Variants in PDE10A observed in about 807,000 individuals in gnomAD.
PDE10A encodes the protein phosphodiesterase 10A.
A neutral mutation model predicts 97.7 loss-of-function variants in PDE10A; 39 were observed. That is an observed-to-expected ratio of 0.40 (90% CI 0.31 to 0.52). The LOEUF is 0.52. Ranked by LOEUF, PDE10A falls within the 20% of genes least tolerant of loss-of-function variation. The pLI is 0.56. For synonymous variants in PDE10A, 371 were observed against 376.8 expected (o/e 0.98, Z 0.18); for missense variants, 731 against 1,047.8 (o/e 0.70, Z 4.17).
intron 2 of PDE10A, among the ~76,000 whole-genome samples, chr6:165,513,039 T>C (rs986281099): frequency 6.6e-6 from 1 of 152,064 alleles, no homozygotes; most frequent in Non-Finnish European, 1.5e-5. Flanking sequence ...CTTTATATAT[T>C]CTGGATACAA....
At chr6:165,667,445 T>G (rs868375489), upstream of PDE10A, among the ~76,000 whole-genome samples, 13 of 152,174 alleles carry the variant, frequency 8.5e-5, no homozygotes, top group Non-Finnish European at 1.8e-4. Flanking sequence ...AAAACCAGTA[T>G]AGGTTATATC....
At chr6:165,793,057 A>G (rs937620618) in intron 1 of PDE10A, among the ~76,000 whole-genome samples, 7 of 152,034 alleles carry the variant, frequency 4.6e-5, no homozygotes, top group African/African-American at 1.4e-4. Flanking sequence ...AAATAACACA[A>G]TGTGTATGAA....
intron 1 of PDE10A, among the ~76,000 whole-genome samples, chr6:165,676,933 C>A (rs1790814882): frequency 6.6e-6 from 1 of 152,272 alleles, no homozygotes; most frequent in Non-Finnish European, 1.5e-5. Flanking sequence ...GCTCCTCCAG[C>A]AGGACGGGTC....
At chr6:165,539,902 G>C (rs897628863) in intron 2 of PDE10A, among the ~76,000 whole-genome samples, 1 of 151,966 alleles carries the variant, frequency 6.6e-6, no homozygotes, top group Non-Finnish European at 1.5e-5. Context: ...CTCCAGCCTG[G>C]GCAACAGAGC....
chr6:165,361,142 G>T lies in PDE10A; in HGVS notation c.2784-17640C>A, dbSNP rs1473972208. Among the ~76,000 whole-genome samples, 4 of 152,254 alleles carry T rather than the reference G, an allele frequency of 2.6e-5. No individual in the cohort carries two copies. In the South Asian group the frequency reaches 6.2e-4, roughly 24 times the overall value. On this transcript the variant is annotated intron_variant, in intron 18 of 21. Transcript: ENST00000539869. ...GTACAGAGATGCCTAAGCATTAGAA[G>T]TAATAAATGCGTTCATCAAGGTTTC...
intron 1 of PDE10A, among the ~76,000 whole-genome samples, chr6:165,731,226 A>C (rs967668073): frequency 6.6e-6 from 1 of 152,172 alleles, no homozygotes; most frequent in Non-Finnish European, 1.5e-5. Flanking sequence ...GATGGGCAAA[A>C]ATGAGAGACA....
chr6:165,817,250 T>C (rs947486012), intron 1 of PDE10A, among the ~76,000 whole-genome samples: 2 of 152,102 alleles, frequency 1.3e-5, no homozygotes, highest in African/African-American at 4.8e-5. Context: ...GTCTGACAGC[T>C]TCTGCTACAA....
At chr6:165,402,542 G>C (rs1245018406) in intron 13 of PDE10A, among the ~76,000 whole-genome samples, 1 of 152,038 alleles carries the variant, frequency 6.6e-6, no homozygotes, top group Non-Finnish European at 1.5e-5. Flanking sequence ...TAAATTATTT[G>C]CCTATAACAC....
chr6:165,430,877 C>CA lies in PDE10A; in HGVS notation c.1543-533dup, dbSNP rs1283171379. Reference sequence around the variant, plus strand: ...AGAAGTAGAAAAATAAAACCACCACCAAAAAAAATAAAAAGAGAGAAGGAG... The same window carrying CA: ...AGAAGTAGAAAAATAAAACCACCACCAAAAAAAAATAAAAAGAGAGAAGGAG... On this transcript the variant is annotated intron_variant, in intron 8 of 21. Transcript: ENST00000539869. Among the ~76,000 whole-genome samples the CA allele has an allele frequency of 4.0e-5, 6 of 151,410 alleles. No individual in the cohort carries two copies. The South Asian group carries it at 1.3e-3, about 32-fold the overall frequency.
chr6:165,516,748 A>C (rs73786623), intron 2 of PDE10A, among the ~76,000 whole-genome samples: 111 of 152,338 alleles, frequency 7.3e-4, no homozygotes, highest in African/African-American at 2.6e-3. Context: ...AAAATTTTTA[A>C]CAAATAATCA....
chr6:165,353,206 G>A (rs1347671321), intron 18 of PDE10A, among the ~76,000 whole-genome samples: 1 of 152,212 alleles, frequency 6.6e-6, no homozygotes, highest in Non-Finnish European at 1.5e-5. Flanking sequence ...TGGATATGGA[G>A]CAAGAGGAAT....
In PDE10A at chr6:165,973,296, G is replaced by A. The variant is rs984366248; in HGVS notation, c.-615+14233C>T. Among the ~76,000 whole-genome samples, 8 of 152,050 alleles carry A rather than the reference G, an allele frequency of 5.3e-5. No individual in the cohort carries two copies. In the South Asian group the frequency reaches 6.2e-4, roughly 12 times the overall value. On this transcript the variant is annotated intron_variant, in intron 1 of 19. Transcript: ENST00000366882. Reference sequence around the variant, plus strand: ...TAGCCAGGCATGGTGGCAGGTGCCCGTAATCCCAGCTACTTGGGAGGCAGG... The same window carrying A: ...TAGCCAGGCATGGTGGCAGGTGCCCATAATCCCAGCTACTTGGGAGGCAGG...
At chr6:165,567,876 C>G (rs888694373) in intron 1 of PDE10A, among the ~76,000 whole-genome samples, 1 of 151,456 alleles carries the variant, frequency 6.6e-6, no homozygotes, top group Non-Finnish European at 1.5e-5. Flanking sequence ...TGCTGATAAT[C>G]TATTTATCTG....
At chr6:165,547,997 A>G (rs1323179518) in intron 1 of PDE10A, among the ~76,000 whole-genome samples, 1 of 152,148 alleles carries the variant, frequency 6.6e-6, no homozygotes, top group African/African-American at 2.4e-5. Flanking sequence ...ATAAATATAC[A>G]TTTAAAACTT....
At chr6:165,898,077 C>T (rs2128483673) in intron 1 of PDE10A, among the ~76,000 whole-genome samples, 1 of 151,636 alleles carries the variant, frequency 6.6e-6, no homozygotes, top group African/African-American at 2.4e-5. Context: ...CCCCTCCTAC[C>T]TTGCGCTGGG....
At chr6:165,636,814 A>C (rs575504403) in intron 1 of PDE10A, among the ~76,000 whole-genome samples, 54 of 152,280 alleles carry the variant, frequency 3.5e-4, no homozygotes, top group African/African-American at 1.2e-3. Flanking sequence ...CTGCTGTAGA[A>C]ATGCTCTGCC....
At chr6:165,505,732 T>G (rs1227591720) in intron 2 of PDE10A, among the ~76,000 whole-genome samples, 1 of 152,080 alleles carries the variant, frequency 6.6e-6, no homozygotes, top group Non-Finnish European at 1.5e-5. Context: ...CCATAGAGCT[T>G]CTCTCAGAGA....
At chr6:165,416,121 A>T in intron 12 of PDE10A, 68 bp downstream of exon 12, 1 of 1,016,928 alleles carries the variant, frequency 9.8e-7, no homozygotes, top group Non-Finnish European at 1.6e-6. Flanking sequence ...GGCTCCACGG[A>T]AGAGGTTTCA....
intron 1 of PDE10A, among the ~76,000 whole-genome samples, chr6:165,760,882 C>G (rs1793232457): frequency 6.6e-6 from 1 of 152,148 alleles, no homozygotes; most frequent in Non-Finnish European, 1.5e-5. Context: ...AAAGCCTCTT[C>G]CTGGTCTTCC....
Sources: gnomAD v4.1 joint callset for allele counts (sites outside exome capture counted in the v4.1 genomes callset) on GRCh38, gnomAD v4.1.1 for gene constraint, MANE v1.5 for transcripts, NCBI Gene and HGNC (gene_info 2026-07-23, HGNC 2026-07-21) for gene names.